The following HS3ST4 variants were observed in gnomAD, a reference collection of about 807,000 sequenced individuals.
HS3ST4 encodes heparan sulfate-glucosamine 3-sulfotransferase 4.
In HS3ST4, 17 loss-of-function variants were observed where a neutral mutation model predicts 29.2. The ratio of observed to expected loss-of-function variants is 0.58; its 90% CI spans 0.40 to 0.87. The LOEUF (loss-of-function observed/expected upper bound fraction) is 0.87. Ranked by LOEUF, HS3ST4 falls within the 40% of genes least tolerant of loss-of-function variation. The pLI is 0.00. For missense variants in HS3ST4, 627 were observed against 634.5 expected (o/e 0.99, Z 0.13); for synonymous variants, 314 against 285.7 (o/e 1.10, Z -1.00).
chr16:26,003,083 T>C (rs569767945), intron 1 of HS3ST4, among the ~76,000 whole-genome samples: 90 of 152,158 alleles, frequency 5.9e-4, no homozygotes, highest in Non-Finnish European at 9.4e-4. Context: ...ATAGATTGGT[T>C]AAATCTCTGT....
chr16:25,977,522 G>A (rs2141720536), intron 1 of HS3ST4, among the ~76,000 whole-genome samples: 1 of 152,250 alleles, frequency 6.6e-6, no homozygotes. Flanking sequence ...TCAAAGGTCT[G>A]TACACATCTA....
chr16:25,740,975 A>T (rs1441184914), intron 1 of HS3ST4, among the ~76,000 whole-genome samples: 2 of 152,136 alleles, frequency 1.3e-5, no homozygotes, highest in Non-Finnish European at 2.9e-5. Flanking sequence ...CCTAGCATAG[A>T]TTTTTAGTTT....
At chr16:25,800,964 A>C (rs903561807) in intron 1 of HS3ST4, among the ~76,000 whole-genome samples, 7 of 152,182 alleles carry the variant, frequency 4.6e-5, no homozygotes, top group African/African-American at 1.4e-4. Flanking sequence ...TCTATTATTT[A>C]TAAATCACCC....
chr16:25,958,938 A>G (rs1968765307), intron 1 of HS3ST4, among the ~76,000 whole-genome samples: 1 of 152,200 alleles, frequency 6.6e-6, no homozygotes, highest in African/African-American at 2.4e-5. Context: ...TGTCACGTTC[A>G]CCACATTGTA....
At chr16:25,897,204 C>T (rs1192228693) in intron 1 of HS3ST4, among the ~76,000 whole-genome samples, 1 of 152,160 alleles carries the variant, frequency 6.6e-6, no homozygotes, top group Non-Finnish European at 1.5e-5. Context: ...TGTGTAATCC[C>T]AGCACTTTGG....
intron 1 of HS3ST4, among the ~76,000 whole-genome samples, chr16:25,863,863 A>C (rs890470591): frequency 1.3e-5 from 2 of 152,252 alleles, no homozygotes; most frequent in Non-Finnish European, 2.9e-5. Flanking sequence ...CAATAACAAA[A>C]TATCACAGAC....
intron 1 of HS3ST4, among the ~76,000 whole-genome samples, chr16:26,021,218 G>A (rs1969409643): frequency 1.3e-5 from 2 of 152,170 alleles, no homozygotes; most frequent in Admixed American, 1.3e-4. Flanking sequence ...TTTTAAAAAG[G>A]AGTTTGTTGT....
At chr16:26,123,350 C>T (rs371729350) in intron 1 of HS3ST4, among the ~76,000 whole-genome samples, 3 of 152,284 alleles carry the variant, frequency 2.0e-5, no homozygotes, top group African/African-American at 7.2e-5. Flanking sequence ...TAGCCACACA[C>T]CTCTGTCAAG....
intron 1 of HS3ST4, among the ~76,000 whole-genome samples, chr16:25,908,378 A>G (rs919330100): frequency 2.0e-5 from 3 of 152,218 alleles, no homozygotes; most frequent in Non-Finnish European, 4.4e-5. Context: ...ACCAAAGATC[A>G]GAAATGTAGC....
chr16:26,061,183 AT>A (rs979386920), intron 1 of HS3ST4, among the ~76,000 whole-genome samples: 7 of 152,102 alleles, frequency 4.6e-5, no homozygotes, highest in African/African-American at 1.7e-4. Context: ...CTTTCTTCTT[AT>A]TTTTTTCTCA....
intron 1 of HS3ST4, among the ~76,000 whole-genome samples, chr16:25,753,051 T>G (rs1383433175): frequency 2.0e-5 from 3 of 152,066 alleles, no homozygotes; most frequent in African/African-American, 7.2e-5. Context: ...TCCAAGAAAA[T>G]TGTGCTCAAC....
At chr16:25,724,057 A>T (rs4278753) in intron 1 of HS3ST4, among the ~76,000 whole-genome samples, 109,043 of 148,798 alleles carry the variant, frequency 0.73, 40,822 homozygotes, top group East Asian at 0.85. Flanking sequence ...GAGGTTGCAG[A>T]GAGCCGAGGT....
Position 25,692,433 on chromosome 16 carries a change from G to GCACCTC in HS3ST4, c.18_23dup (p.Pro15_Pro16dup). 8.7e-7 allele frequency: 1 copy of GCACCTC among 1,150,158 alleles called. No homozygotes were observed. The highest frequency in any genetic ancestry group is 4.1e-5 in the East Asian group (1 of 24,370). 71.2% of individuals were successfully genotyped at this position (1,150,158 alleles called of 1,614,324 possible). A position where few individuals can be genotyped will look rare whatever the true frequency, so the allele number is the denominator to read the frequency against. On this transcript the variant is annotated inframe_insertion, in exon 1 of 2. Coordinates refer to ENST00000331351, the MANE Select transcript of HS3ST4 (RefSeq NM_006040.3). Reference sequence around the variant, plus strand: ...GGGAGCCGCGATGGCCCGGTGGCCCGCACCTCCTCCGCCTCCGCCTCCGCC... The same window carrying GCACCTC: ...GGGAGCCGCGATGGCCCGGTGGCCCGCACCTCCACCTCCTCCGCCTCCGCCTCCGCC...
intron 1 of HS3ST4, among the ~76,000 whole-genome samples, chr16:25,937,987 A>C (rs576774411): frequency 1.3e-5 from 2 of 152,260 alleles, no homozygotes; most frequent in South Asian, 4.2e-4. Flanking sequence ...GCAGGGTTGG[A>C]GACATCTAAC....
intron 1 of HS3ST4, among the ~76,000 whole-genome samples, chr16:26,015,911 G>A (rs886188665): frequency 6.6e-6 from 1 of 151,990 alleles, no homozygotes; most frequent in African/African-American, 2.4e-5. Flanking sequence ...ATTTATCAAG[G>A]TATAGAGACA....
At chr16:25,871,734 T>G (rs1967754378) in intron 1 of HS3ST4, among the ~76,000 whole-genome samples, 1 of 152,164 alleles carries the variant, frequency 6.6e-6, no homozygotes, top group African/African-American at 2.4e-5. Flanking sequence ...ACACATTATG[T>G]TAACAGCTCA....
At chr16:25,698,208 G>A (rs1450673696) in intron 1 of HS3ST4, among the ~76,000 whole-genome samples, 1 of 152,192 alleles carries the variant, frequency 6.6e-6, no homozygotes, top group East Asian at 1.9e-4. Flanking sequence ...TGGGATACGG[G>A]CATGTACCAC....
chr16:25,815,771 T>C (rs1457019097), intron 1 of HS3ST4, among the ~76,000 whole-genome samples: 1 of 152,300 alleles, frequency 6.6e-6, no homozygotes, highest in Non-Finnish European at 1.5e-5. Context: ...TTTTAGATAA[T>C]CTACATCTTC....
intron 1 of HS3ST4, among the ~76,000 whole-genome samples, chr16:25,793,452 A>G (rs1966874808): frequency 6.6e-6 from 1 of 152,020 alleles, no homozygotes. Context: ...TGGTTTATAT[A>G]TGTGACATGT....
Sources: gnomAD v4.1 joint callset for allele counts (sites outside exome capture counted in the v4.1 genomes callset) on GRCh38, gnomAD v4.1.1 for gene constraint, MANE v1.5 for transcripts, NCBI Gene and HGNC (gene_info 2026-07-23, HGNC 2026-07-21) for gene names.